Variants in MED15 observed in about 807,000 individuals in gnomAD.
The protein encoded by MED15 is mediator of RNA polymerase II transcription subunit 15.
In MED15, 41 loss-of-function variants were observed where a neutral mutation model predicts 118.7. The observed-to-expected ratio is 0.35, with a 90% CI of 0.27 to 0.45. The LOEUF (loss-of-function observed/expected upper bound fraction) is 0.45, where lower values mean the gene tolerates loss of function less well. MED15 is among the 20% of genes least tolerant of loss of function. The probability of loss-of-function intolerance (pLI) is 1.00; values close to 1 mark genes in which losing one functional copy is unlikely to be tolerated. For missense variants in MED15, 740 were observed against 1,025.5 expected (o/e 0.72, Z 3.80); for synonymous variants, 436 against 413.9 (o/e 1.05, Z -0.65).
At chr22:20,528,501 T>C (rs1222642174) in intron 1 of MED15, among the ~76,000 whole-genome samples, 1 of 152,178 alleles carries the variant, frequency 6.6e-6, no homozygotes, top group African/African-American at 2.4e-5. Flanking sequence ...CCACCACTTA[T>C]CTGACAGGAG....
At chr22:20,545,976 A>G (rs2146490476) in intron 2 of MED15, among the ~76,000 whole-genome samples, 1 of 152,256 alleles carries the variant, frequency 6.6e-6, no homozygotes. Flanking sequence ...CCCCACCCTC[A>G]GGGTTGTATC....
chr22:20,510,346 A>G (rs1310976455), intron 1 of MED15, among the ~76,000 whole-genome samples: 1 of 152,182 alleles, frequency 6.6e-6, no homozygotes, highest in African/African-American at 2.4e-5. Flanking sequence ...AGATCGCACC[A>G]CTGCTATCCC....
intron 1 of MED15, among the ~76,000 whole-genome samples, chr22:20,528,739 C>T (rs78944331): frequency 0.019 from 2,844 of 152,258 alleles, 94 homozygotes; most frequent in African/African-American, 0.066. Context: ...AGTTAGCGTG[C>T]ATCGATCTAG....
intron 2 of MED15, among the ~76,000 whole-genome samples, chr22:20,540,997 G>A (rs976741548): frequency 6.6e-6 from 1 of 152,166 alleles, no homozygotes; most frequent in Non-Finnish European, 1.5e-5. Context: ...GGGAGGCCGA[G>A]GTGGGCAGAT....
At chr22:20,520,725 G>C (rs1225332742) in intron 1 of MED15, among the ~76,000 whole-genome samples, 2 of 152,094 alleles carry the variant, frequency 1.3e-5, no homozygotes, top group Non-Finnish European at 2.9e-5. Flanking sequence ...TGGAATCTCT[G>C]TGCAATCACA....
intron 8 of MED15, among the ~76,000 whole-genome samples, chr22:20,572,686 A>G (rs2056702029): frequency 6.6e-6 from 1 of 152,242 alleles, no homozygotes; most frequent in African/African-American, 2.4e-5. Flanking sequence ...TGGGAAGCCA[A>G]GGTGAGAGGA....
chr22:20,547,000 A>T (rs1279979219), intron 2 of MED15, among the ~76,000 whole-genome samples: 1 of 152,166 alleles, frequency 6.6e-6, no homozygotes, highest in African/African-American at 2.4e-5. Context: ...CCATAATTTT[A>T]CACTAATATT....
intron 1 of MED15, among the ~76,000 whole-genome samples, chr22:20,536,431 C>T (rs2055084508): frequency 6.6e-6 from 1 of 152,194 alleles, no homozygotes; most frequent in Non-Finnish European, 1.5e-5. Context: ...CTCTTTATCC[C>T]CGTGGAGCAG....
At chr22:20,567,267 C>A (rs1239914281) in intron 7 of MED15, among the ~76,000 whole-genome samples, 1 of 152,116 alleles carries the variant, frequency 6.6e-6, no homozygotes, top group Non-Finnish European at 1.5e-5. Context: ...GAACAAAGTT[C>A]ATTACTATAT....
intron 2 of MED15, 45 bp from the exon 3 acceptor site, chr22:20,551,391 C>T (rs768802337): frequency 5.1e-6 from 8 of 1,569,656 alleles, no homozygotes; most frequent in South Asian, 3.3e-5. Context: ...CCGATGACTG[C>T]GCTTCTTCAT....
At chr22:20,584,477 C>T (rs1357921232) in intron 14 of MED15, 52 bp downstream of exon 14, 1 of 1,592,132 alleles carries the variant, frequency 6.3e-7, no homozygotes, top group African/African-American at 1.3e-5. Flanking sequence ...CCTAAGAGCT[C>T]CTGGGAGTGC....
Position 20,547,830 on chromosome 22 carries a change from A to AAAAT in MED15, c.157-3589_157-3586dup, listed in dbSNP as rs201979426. ...AGAGTGAGACTCCATCTAAAAAATAAAAATAAATAAATAAATAAATTAGCT... is the reference window on the plus strand; with the variant it reads ...AGAGTGAGACTCCATCTAAAAAATAAAAATAAATAAATAAATAAATAAATTAGCT... On this transcript the variant is annotated intron_variant, in intron 2 of 17. Transcript: ENST00000263205. Among the ~76,000 whole-genome samples, 794 of 152,002 alleles carry AAAAT rather than the reference A, an allele frequency of 5.2e-3. 7 individuals carry two copies. Among genetic ancestry groups the AAAAT allele is most frequent in the African/African-American group, 0.018 (743 of 41,400 alleles).
At chr22:20,523,157 A>G (rs2054520842) in intron 1 of MED15, 1 of 152,122 alleles carries the variant, frequency 6.6e-6, no homozygotes. Flanking sequence ...AAATATATAT[A>G]CACATGTATT....
chr22:20,584,619 GC>G (rs2057080847), intron 14 of MED15, 194 bp downstream of exon 14: 1 of 809,000 alleles, frequency 1.2e-6, no homozygotes, highest in Non-Finnish European at 1.9e-6. Context: ...TCTGTCTACG[GC>G]CCCCGTGGGT....
At chr22:20,555,525 C>T (rs947551227) in intron 5 of MED15, among the ~76,000 whole-genome samples, 10 of 152,218 alleles carry the variant, frequency 6.6e-5, no homozygotes, top group African/African-American at 2.4e-4. Context: ...CTCTGGGCAC[C>T]ATCTCTTCTA....
chr22:20,530,969 G>C (rs929063300), intron 1 of MED15, among the ~76,000 whole-genome samples: 2 of 152,132 alleles, frequency 1.3e-5, no homozygotes, highest in African/African-American at 4.8e-5. Context: ...TTTCTTTAAC[G>C]CATACCTAGC....
chr22:20,580,986 G>C (rs1336445002), intron 9 of MED15, among the ~76,000 whole-genome samples: 2 of 152,358 alleles, frequency 1.3e-5, no homozygotes, highest in East Asian at 3.9e-4. Flanking sequence ...CCAGGCAGAG[G>C]TGTCTTGACC....
intron 2 of MED15, among the ~76,000 whole-genome samples, chr22:20,540,239 G>A (rs1232159830): frequency 6.6e-6 from 1 of 152,002 alleles, no homozygotes; most frequent in Non-Finnish European, 1.5e-5. Flanking sequence ...GACAGATTAG[G>A]GAAAAGGCTG....
intron 14 of MED15, 115 bp from the exon 15 acceptor site, chr22:20,584,738 CTG>C (rs2057083713): frequency 2.4e-6 from 3 of 1,276,096 alleles, no homozygotes; most frequent in Non-Finnish European, 3.3e-6. Context: ...AGGGTGGAGG[CTG>C]TGAGAGAGGC....
Sources: gnomAD v4.1 joint callset for allele counts (sites outside exome capture counted in the v4.1 genomes callset) on GRCh38, gnomAD v4.1.1 for gene constraint, MANE v1.5 for transcripts, NCBI Gene and HGNC (gene_info 2026-07-23, HGNC 2026-07-21) for gene names.